Variants in MAP3K7CL observed in about 807,000 individuals in gnomAD.
MAP3K7CL encodes MAP3K7 C-terminal-like protein.
Under a neutral mutation model 18.6 loss-of-function variants are expected in MAP3K7CL, and 16 were observed. The observed-to-expected ratio is 0.86, with a 90% CI of 0.58 to 1.31. The LOEUF (loss-of-function observed/expected upper bound fraction) is 1.31, where lower values mean the gene tolerates loss of function less well. MAP3K7CL is among the 50% of genes most tolerant of loss of function. MAP3K7CL has a pLI of 0.00. For synonymous variants in MAP3K7CL, 65 were observed against 66.8 expected (o/e 0.97, Z 0.13); for missense variants, 163 against 174.4 (o/e 0.93, Z 0.37).
intron 2 of MAP3K7CL, among the ~76,000 whole-genome samples, chr21:29,148,170 T>C (rs1315840531): frequency 1.3e-5 from 2 of 152,062 alleles, no homozygotes; most frequent in Admixed American, 1.3e-4. Context: ...ACTGTACCTG[T>C]ACTGTATGTA....
intron 4 of MAP3K7CL, among the ~76,000 whole-genome samples, chr21:29,095,119 G>T (rs986307227): frequency 7.0e-6 from 1 of 143,272 alleles, no homozygotes; most frequent in African/African-American, 2.7e-5. Flanking sequence ...GGGAGGGGAA[G>T]GGAAGGTTAG....
At chr21:29,078,511 G>A (rs1235629643) in intron 1 of MAP3K7CL, among the ~76,000 whole-genome samples, 1 of 151,788 alleles carries the variant, frequency 6.6e-6, no homozygotes, top group Non-Finnish European at 1.5e-5. Context: ...GCACAGGCAT[G>A]CTGGGCATCA....
At chr21:29,150,360 C>G (rs886853957) in intron 3 of MAP3K7CL, among the ~76,000 whole-genome samples, 1 of 152,182 alleles carries the variant, frequency 6.6e-6, no homozygotes, top group African/African-American at 2.4e-5. Context: ...GTTCTACTGC[C>G]AGGGTGGTCT....
At chr21:29,168,566 A>G (rs964793409) in intron 4 of MAP3K7CL, among the ~76,000 whole-genome samples, 1 of 152,184 alleles carries the variant, frequency 6.6e-6, no homozygotes, top group Non-Finnish European at 1.5e-5. Context: ...TAATGCCCCA[A>G]TCACAATGAT....
chr21:29,086,924 G>A (rs970556946), intron 1 of MAP3K7CL, among the ~76,000 whole-genome samples: 5 of 152,054 alleles, frequency 3.3e-5, no homozygotes, highest in Non-Finnish European at 5.9e-5. Context: ...CAGTCTTCAC[G>A]ACCATCCTGA....
At chr21:29,144,215 G>C (rs2087074702) in intron 2 of MAP3K7CL, among the ~76,000 whole-genome samples, 1 of 151,380 alleles carries the variant, frequency 6.6e-6, no homozygotes, top group Non-Finnish European at 1.5e-5. Flanking sequence ...GCAGGGGCTT[G>C]ATCTTGGCTC....
chr21:29,104,028 G>A (rs2086278424), intron 4 of MAP3K7CL, among the ~76,000 whole-genome samples: 1 of 152,070 alleles, frequency 6.6e-6, no homozygotes, highest in Non-Finnish European at 1.5e-5. Context: ...TTTAATTTGT[G>A]TTGAGAGCAC....
At chr21:29,105,339 G>C (rs954137890) in intron 4 of MAP3K7CL, among the ~76,000 whole-genome samples, 2 of 152,164 alleles carry the variant, frequency 1.3e-5, no homozygotes, top group African/African-American at 4.8e-5. Flanking sequence ...CAACAGATCT[G>C]ATTCTGCCCT....
At chr21:29,090,774 A>T (rs1336410119) in intron 1 of MAP3K7CL, among the ~76,000 whole-genome samples, 2 of 147,254 alleles carry the variant, frequency 1.4e-5, no homozygotes, top group South Asian at 2.1e-4. Context: ...TTTTTTTTTA[A>T]AATTGCTGCA....
chr21:29,133,508 G>T lies in MAP3K7CL; in HGVS notation c.70+94G>T. ...ACGCCTCTGTGGAAAATTTAAAGTT[G>T]CATGCTTGCATGACCTGATGATGGG... is the stretch of plus-strand genomic sequence containing the variant. On this transcript the variant is annotated intron_variant, in intron 2 of 4. Coordinates refer to ENST00000399928, the MANE Select transcript of MAP3K7CL (RefSeq NM_001286620.2). 5 of 854,096 alleles carry T rather than the reference G, an allele frequency of 5.9e-6. No homozygotes were observed. In the South Asian group the frequency reaches 1.0e-4, roughly 17 times the overall value. The allele number at this position is 854,096 out of a possible 1,614,324, so 52.9% of individuals were successfully genotyped here.
chr21:29,174,931 T>G lies in MAP3K7CL; in HGVS notation c.*39T>G, dbSNP rs375480434. The stretch of plus-strand genomic sequence containing the variant: ...AGTGTGAGCATACGAGGCTGATGAC[T>G]GCCCTGTGCTGGCCAAAAGATTTTT... On this transcript the variant is annotated 3_prime_UTR_variant, in exon 5 of 5. Coordinates refer to ENST00000399928, the MANE Select transcript of MAP3K7CL (RefSeq NM_001286620.2). 10 of 1,580,468 alleles carry G rather than the reference T, an allele frequency of 6.3e-6. No homozygotes were observed. The African/African-American group carries it at 1.4e-4, about 21-fold the overall frequency.
At chr21:29,094,990 G>A (rs1469066600) in intron 4 of MAP3K7CL, among the ~76,000 whole-genome samples, 3 of 151,790 alleles carry the variant, frequency 2.0e-5, no homozygotes, top group South Asian at 2.1e-4. Context: ...CCTGGGAGGC[G>A]GAGGTTGCAG....
intron 1 of MAP3K7CL, among the ~76,000 whole-genome samples, chr21:29,133,066 A>G (rs919900065): frequency 2.6e-5 from 4 of 152,124 alleles, no homozygotes; most frequent in Admixed American, 1.3e-4. Context: ...TATTTCCCAT[A>G]TTTCATTCAT....
In MAP3K7CL at chr21:29,103,880, G is replaced by A. The variant is rs539199090; in HGVS notation, c.370+11299G>A. On this transcript the variant is annotated intron_variant, in intron 4 of 6. Transcript: ENST00000286791. Reference sequence around the variant, plus strand: ...GATTGCTCCACTGCACTTCAGCCTGGGTGACAGAGTGAGACCCTGTCTCAA... The same window carrying A: ...GATTGCTCCACTGCACTTCAGCCTGAGTGACAGAGTGAGACCCTGTCTCAA... Among the ~76,000 whole-genome samples the A allele has an allele frequency of 3.9e-5, 6 of 152,282 alleles. No homozygotes were observed. The South Asian group carries it at 1.2e-3, about 32-fold the overall frequency.
intron 4 of MAP3K7CL, among the ~76,000 whole-genome samples, chr21:29,114,484 G>A (rs992511340): frequency 1.3e-5 from 2 of 152,040 alleles, no homozygotes; most frequent in Non-Finnish European, 2.9e-5. Flanking sequence ...TCGACCTCTC[G>A]AGCTCAATTG....
chr21:29,120,667 T>C (rs1427753968), intron 4 of MAP3K7CL, among the ~76,000 whole-genome samples: 1 of 116,288 alleles, frequency 8.6e-6, no homozygotes, highest in Non-Finnish European at 2.0e-5. Flanking sequence ...TTTCTTTCTT[T>C]CTTTTTCTTT....
intron 4 of MAP3K7CL, among the ~76,000 whole-genome samples, chr21:29,172,211 A>G (rs1301646438): frequency 2.0e-5 from 3 of 149,382 alleles, no homozygotes; most frequent in African/African-American, 7.4e-5. Flanking sequence ...TTTTCAGTTC[A>G]GAATAGCACA....
At chr21:29,157,122 TATG>T (rs2087426094) in intron 3 of MAP3K7CL, among the ~76,000 whole-genome samples, 1 of 152,220 alleles carries the variant, frequency 6.6e-6, no homozygotes, top group African/African-American at 2.4e-5. Flanking sequence ...TTTTTCTTAT[TATG>T]GGTAAAAACG....
In MAP3K7CL at chr21:29,169,985, C is replaced by T. The variant is rs145257470; in HGVS notation, c.249-4727C>T. Among the ~76,000 whole-genome samples the T allele has an allele frequency of 9.7e-4, 148 of 152,298 alleles. 2 individuals carry two copies. In the East Asian group the frequency reaches 0.026, roughly 27 times the overall value. On this transcript the variant is annotated intron_variant, in intron 4 of 4. Coordinates refer to ENST00000399928, the MANE Select transcript of MAP3K7CL (RefSeq NM_001286620.2). Reference sequence around the variant, plus strand: ...ATAAGATCTCTCTAACTGTGGTCTTCTACCCCCATATTACATTACACTGAA... The same window carrying T: ...ATAAGATCTCTCTAACTGTGGTCTTTTACCCCCATATTACATTACACTGAA...
Sources: gnomAD v4.1 joint callset for allele counts (sites outside exome capture counted in the v4.1 genomes callset) on GRCh38, gnomAD v4.1.1 for gene constraint, MANE v1.5 for transcripts, NCBI Gene and HGNC (gene_info 2026-07-23, HGNC 2026-07-21) for gene names.